Variants in ARHGAP15 observed in about 807,000 individuals in gnomAD.
ARHGAP15 encodes Rho GTPase activating protein 15.
In ARHGAP15, 51 loss-of-function variants were observed where a neutral mutation model predicts 63.7. The observed-to-expected ratio is 0.80, with a 90% CI of 0.64 to 1.01. The LOEUF (loss-of-function observed/expected upper bound fraction) is 1.01, where lower values mean the gene tolerates loss of function less well. Ranked by LOEUF, ARHGAP15 falls within the 50% of genes least tolerant of loss-of-function variation. The pLI is 0.00. For synonymous variants in ARHGAP15, 191 were observed against 193.8 expected, an observed-to-expected ratio of 0.99 and a Z score of 0.12; for missense variants, 560 against 564.6, an observed-to-expected ratio of 0.99 and a Z score of 0.08.
chr2:143,649,696 G>A (rs1317521068), intron 12 of ARHGAP15, among the ~76,000 whole-genome samples: 1 of 151,884 alleles, frequency 6.6e-6, no homozygotes, highest in Admixed American at 6.6e-5. Flanking sequence ...CACAATCATT[G>A]AATAAGGAAG....
chr2:143,676,302 A>G (rs1294876819), intron 12 of ARHGAP15: 1 of 152,206 alleles, frequency 6.6e-6, no homozygotes, highest in Non-Finnish European at 1.5e-5. Context: ...CTTTCTTATC[A>G]TTCATGTGTT....
intron 12 of ARHGAP15, among the ~76,000 whole-genome samples, chr2:143,683,262 A>C (rs578196753): frequency 9.8e-5 from 15 of 152,300 alleles, no homozygotes; most frequent in African/African-American, 3.1e-4. Context: ...GACCAGGGAA[A>C]TTTGCATTCA....
intron 11 of ARHGAP15, among the ~76,000 whole-genome samples, chr2:143,618,990 T>A (rs1698551901): frequency 1.4e-5 from 1 of 70,314 alleles, no homozygotes; most frequent in African/African-American, 3.2e-5. Context: ...GCCGGGCTAC[T>A]TTTTGTTATT....
At chr2:143,262,550 T>A (rs1680778069) in intron 6 of ARHGAP15, among the ~76,000 whole-genome samples, 1 of 148,528 alleles carries the variant, frequency 6.7e-6, no homozygotes, top group African/African-American at 2.5e-5. Context: ...TTTTTTTTTT[T>A]TTTTTTTTTA....
At chr2:143,188,950 T>A (rs1691561244) in intron 2 of ARHGAP15, among the ~76,000 whole-genome samples, 1 of 152,024 alleles carries the variant, frequency 6.6e-6, no homozygotes, top group Non-Finnish European at 1.5e-5. Flanking sequence ...ACGATTTTTT[T>A]TTTTCCCTTG....
intron 11 of ARHGAP15, among the ~76,000 whole-genome samples, chr2:143,597,502 A>G (rs1697568566): frequency 6.6e-6 from 1 of 152,116 alleles, no homozygotes; most frequent in African/African-American, 2.4e-5. Context: ...GCCAGTCGCC[A>G]GCTTGATGGA....
chr2:143,326,186 C>A (rs1161793737), intron 6 of ARHGAP15, among the ~76,000 whole-genome samples: 1 of 152,148 alleles, frequency 6.6e-6, no homozygotes, highest in African/African-American at 2.4e-5. Context: ...CTATGAGTGA[C>A]CTACATTTTT....
chr2:143,512,459 C>T (rs780782701), intron 9 of ARHGAP15, among the ~76,000 whole-genome samples: 1 of 152,134 alleles, frequency 6.6e-6, no homozygotes, highest in African/African-American at 2.4e-5. Flanking sequence ...GTGTTCTTGC[C>T]AGAGAATAGG....
At position 143,166,743 on chromosome 2, in the gene ARHGAP15, A is replaced by AT. The variant is rs574951715; in HGVS notation, c.165+11094dup. Among the ~76,000 whole-genome samples the AT allele has an allele frequency of 5.7e-4, 86 of 152,206 alleles. 2 individuals are homozygous for AT. The highest frequency in any genetic ancestry group is 1.9e-3 in the African/African-American group (79 of 41,550). ...TGTATATCTCAAATGACAAGCTTTG[A>AT]TTTTTTAAAACTTCAAATTATAAGA... On this transcript the variant is annotated intron_variant, in intron 2 of 13. Coordinates refer to ENST00000295095, the MANE Select transcript of ARHGAP15 (RefSeq NM_018460.4).
In ARHGAP15 at chr2:143,698,054, C is replaced by A. The variant is rs112458259; in HGVS notation, c.1139-5365C>A. 1.2e-3 allele frequency among the ~76,000 whole-genome samples: 181 copies of A among 152,226 alleles called. 1 individual carries two copies. The highest frequency in any genetic ancestry group is 4.1e-3 in the African/African-American group (170 of 41,548). ...CTGACCTCTTTAAAACAAAGGAATA[C>A]AGTTGTCCTTTAAGAACTGTAGACA... On this transcript the variant is annotated intron_variant, in intron 12 of 13. Transcript: ENST00000295095.
At chr2:143,599,957 A>G (rs1697698297) in intron 11 of ARHGAP15, among the ~76,000 whole-genome samples, 1 of 151,554 alleles carries the variant, frequency 6.6e-6, no homozygotes, top group Non-Finnish European at 1.5e-5. Flanking sequence ...CCCCTAAAAC[A>G]TAACCATAAA....
At chr2:143,443,044 C>A (rs1689961910) in intron 8 of ARHGAP15, among the ~76,000 whole-genome samples, 1 of 152,020 alleles carries the variant, frequency 6.6e-6, no homozygotes, top group African/African-American at 2.4e-5. Flanking sequence ...ATTAAGAAAA[C>A]TTTTAAGATA....
At chr2:143,747,183 C>T (rs1445490728) in intron 13 of ARHGAP15, among the ~76,000 whole-genome samples, 1 of 151,564 alleles carries the variant, frequency 6.6e-6, no homozygotes, top group African/African-American at 2.4e-5. Flanking sequence ...ACCACCATGG[C>T]ATATGTATAC....
At chr2:143,545,086 T>C (rs1305330368) in intron 10 of ARHGAP15, among the ~76,000 whole-genome samples, 2 of 152,210 alleles carry the variant, frequency 1.3e-5, no homozygotes, top group Non-Finnish European at 2.9e-5. Context: ...GTGATCTAAA[T>C]AGGACTTTGC....
chr2:143,748,460 G>A (rs529316744), intron 13 of ARHGAP15, among the ~76,000 whole-genome samples: 38 of 152,184 alleles, frequency 2.5e-4, no homozygotes, highest in Middle Eastern at 3.4e-3. Context: ...TTGGCCCCAC[G>A]ATTATGTATA....
In ARHGAP15 at chr2:143,558,526, T is replaced by C. The variant is rs535757685; in HGVS notation, c.1003+2041T>C. On this transcript the variant is annotated intron_variant, in intron 11 of 13. Coordinates refer to ENST00000295095, the MANE Select transcript of ARHGAP15 (RefSeq NM_018460.4). ...GGATATAATCAAATGTACTCGGTGA[T>C]TGTATTTCAGAAACATTAAAATTTG... Among the ~76,000 whole-genome samples the C allele has an allele frequency of 7.9e-5, 12 of 152,290 alleles. No individual in the cohort carries two copies. In the South Asian group the frequency reaches 2.1e-3, roughly 26 times the overall value.
At chr2:143,397,431 T>C (rs544626866) in intron 6 of ARHGAP15, among the ~76,000 whole-genome samples, 2 of 151,964 alleles carry the variant, frequency 1.3e-5, no homozygotes, top group East Asian at 3.9e-4. Flanking sequence ...GCATGAACAA[T>C]TTTTTATGTA....
intron 6 of ARHGAP15, among the ~76,000 whole-genome samples, chr2:143,383,977 T>C (rs1232973134): frequency 6.6e-6 from 1 of 152,134 alleles, no homozygotes; most frequent in Non-Finnish European, 1.5e-5. Flanking sequence ...GTCACCTGCA[T>C]GATCTTCTGG....
At chr2:143,130,842 T>C (rs548610348) in intron 1 of ARHGAP15, among the ~76,000 whole-genome samples, 1 of 152,314 alleles carries the variant, frequency 6.6e-6, no homozygotes, top group East Asian at 1.9e-4. Flanking sequence ...TGGAAAGCAT[T>C]ATTTAAATCT....
Sources: gnomAD v4.1 joint callset for allele counts (sites outside exome capture counted in the v4.1 genomes callset) on GRCh38, gnomAD v4.1.1 for gene constraint, MANE v1.5 for transcripts, NCBI Gene and HGNC (gene_info 2026-07-23, HGNC 2026-07-21) for gene names.